Variants in EHD4 observed in about 807,000 individuals in gnomAD.
EHD4 encodes the protein EH domain-containing protein 4.
Under a neutral mutation model 51.0 loss-of-function variants are expected in EHD4, and 37 were observed. The ratio of observed to expected loss-of-function variants is 0.73; its 90% CI spans 0.56 to 0.95. The LOEUF is 0.95. Ranked by LOEUF, EHD4 falls within the 40% of genes least tolerant of loss-of-function variation. The probability of loss-of-function intolerance (pLI) is 0.00; values close to 1 mark genes in which losing one functional copy is unlikely to be tolerated. For missense variants in EHD4, 632 were observed against 733.1 expected, an observed-to-expected ratio of 0.86 and a Z score of 1.59; for synonymous variants, 297 against 317.3, an observed-to-expected ratio of 0.94 and a Z score of 0.68.
intron 4 of EHD4, among the ~76,000 whole-genome samples, chr15:41,917,176 A>G (rs914304856): frequency 4.6e-5 from 7 of 151,928 alleles, no homozygotes; most frequent in Admixed American, 3.9e-4. Context: ...GCTGGAGTGC[A>G]GTGGCACGAT....
intron 1 of EHD4, among the ~76,000 whole-genome samples, chr15:41,964,382 C>T (rs997481969): frequency 9.9e-5 from 15 of 152,126 alleles, no homozygotes; most frequent in African/African-American, 2.7e-4. Context: ...GCGTGAGGAT[C>T]GCTTGAGCTC....
At chr15:41,913,199 GTCT>G (rs1845627267) in intron 4 of EHD4, among the ~76,000 whole-genome samples, 1 of 152,204 alleles carries the variant, frequency 6.6e-6, no homozygotes, top group Non-Finnish European at 1.5e-5. Context: ...ATTTTCTAAA[GTCT>G]TCTGGTAAAC....
intron 1 of EHD4, among the ~76,000 whole-genome samples, chr15:41,960,670 A>G (rs1367335000): frequency 1.6e-5 from 2 of 127,918 alleles, no homozygotes; most frequent in Non-Finnish European, 3.3e-5. Flanking sequence ...CTTCACTTAC[A>G]TTTTTTTTTT....
At position 41,948,920 on chromosome 15, in the gene EHD4, C is replaced by CGGGAAGCTGAGGTGGGA; in HGVS notation, c.413+4827_413+4843dup. On this transcript the variant is annotated intron_variant, in intron 2 of 5. Transcript: ENST00000220325. ...GACACACGCCTGTCGTCCCAGCAAT[C>CGGGAAGCTGAGGTGGGA]GGGAAGCTGAGGTGGGAGGATTGCT... Among the ~76,000 whole-genome samples the CGGGAAGCTGAGGTGGGA allele has an allele frequency of 3.3e-5, 5 of 150,724 alleles. No homozygotes were observed. In the South Asian group the frequency reaches 1.1e-3, roughly 32 times the overall value.
At chr15:41,944,733 T>C (rs894840935) in intron 2 of EHD4, among the ~76,000 whole-genome samples, 10 of 152,344 alleles carry the variant, frequency 6.6e-5, no homozygotes, top group African/African-American at 1.9e-4. Flanking sequence ...ATGCTGCTAA[T>C]GCACGGCTGG....
rs199934344 is a variant in EHD4 at position 41,964,759 on chromosome 15, GAA to G, written c.236+7498_236+7499del. ...TAGATTTAGGAATATATATAAGCCT[GAA>G]AAAAAAAAAAAATATATATATATAT... On this transcript the variant is annotated intron_variant, in intron 1 of 5. Transcript: ENST00000220325. Among the ~76,000 whole-genome samples the G allele has an allele frequency of 8.6e-4, 88 of 102,116 alleles. 1 individual carries two copies. The highest frequency in any genetic ancestry group is 2.1e-3 in the East Asian group (10 of 4,664). 67.0% of individuals were successfully genotyped at this position (102,116 alleles called of 152,430 possible). A position where few individuals can be genotyped will look rare whatever the true frequency, so the allele number is the denominator to read the frequency against.
rs1287493063 is a variant in EHD4 at position 41,896,177 on chromosome 15, G to A, written c.*4468C>T. On this transcript the variant is annotated 3_prime_UTR_variant, in exon 6 of 6. Transcript: ENST00000220325. ...AGTAGGAATAGGAAGGACTTCAGGT[G>A]AGGTTTGATCCAGCAGCTCAAATGT... 6.6e-6 allele frequency: 1 copy of A among 152,192 alleles called. No homozygotes were observed. The highest frequency in any genetic ancestry group is 1.5e-5 in the Non-Finnish European group (1 of 68,066). 9.4% of individuals were successfully genotyped at this position (152,192 alleles called of 1,614,324 possible).
chr15:41,942,139 C>G (rs1444706208), intron 3 of EHD4: 1 of 152,250 alleles, frequency 6.6e-6, no homozygotes, highest in Non-Finnish European at 1.5e-5. Flanking sequence ...CCCATCCTGA[C>G]CCTCCCGATC....
chr15:41,944,229 C>G (rs1322266277), intron 2 of EHD4, among the ~76,000 whole-genome samples: 2 of 152,132 alleles, frequency 1.3e-5, no homozygotes, highest in African/African-American at 4.8e-5. Context: ...CTGGCGATGT[C>G]CTTTTAGCTT....
chr15:41,947,325 G>T (rs1199642968), intron 2 of EHD4, among the ~76,000 whole-genome samples: 1 of 152,152 alleles, frequency 6.6e-6, no homozygotes, highest in Non-Finnish European at 1.5e-5. Flanking sequence ...CTGTCAGGGT[G>T]GGGAACAGGA....
At chr15:41,959,968 A>G (rs894804332) in intron 1 of EHD4, among the ~76,000 whole-genome samples, 1 of 152,056 alleles carries the variant, frequency 6.6e-6, no homozygotes, top group Non-Finnish European at 1.5e-5. Context: ...CCTCAAAAAA[A>G]AAAAAAAAAA....
At position 41,899,466 on chromosome 15, in the gene EHD4, G is replaced by T. The variant is rs888781458; in HGVS notation, c.*1179C>A. On this transcript the variant is annotated 3_prime_UTR_variant, in exon 6 of 6. Coordinates refer to ENST00000220325, the MANE Select transcript of EHD4 (RefSeq NM_139265.4). ...TTAAAGAAAAGGTTTTATATGAAAG[G>T]TTCCATTTTGTTTCTGTATAAAGGC... 7.9e-5 allele frequency: 12 copies of T among 151,492 alleles called. No homozygotes were observed. Among genetic ancestry groups the T allele is most frequent in the Non-Finnish European group, 1.6e-4 (11 of 67,902 alleles). 9.4% of individuals were successfully genotyped at this position (151,492 alleles called of 1,614,324 possible).
rs560617600 is a variant in EHD4, at chr15:41,900,522, A to T, written c.*123T>A. 2.0e-4 allele frequency: 200 copies of T among 989,872 alleles called. 1 individual carries two copies. In the South Asian group the frequency reaches 3.1e-3, roughly 15 times the overall value. The allele number at this position is 989,872 out of a possible 1,614,324, so 61.3% of individuals were successfully genotyped here. On this transcript the variant is annotated 3_prime_UTR_variant, in exon 6 of 6. Coordinates refer to ENST00000220325, the MANE Select transcript of EHD4 (RefSeq NM_139265.4). This position sits in a 1 kb window ranked among gnomAD's most constrained non-coding sequence, Gnocchi z 4.8. The stretch of plus-strand genomic sequence containing the variant: ...TTCCAGTGTCCACCCTCCCCATTCT[A>T]CAGATGGGGAAACCAAGGCACAGAG...
intron 5 of EHD4, 77 bp downstream of exon 5, chr15:41,909,622 G>C: frequency 6.5e-7 from 1 of 1,542,820 alleles, no homozygotes; most frequent in East Asian, 2.3e-5. Context: ...ACTCTCATTT[G>C]TCTCCAGCAA....
intron 1 of EHD4, among the ~76,000 whole-genome samples, chr15:41,960,618 A>C (rs1338964542): frequency 6.6e-6 from 1 of 152,136 alleles, no homozygotes; most frequent in Non-Finnish European, 1.5e-5. Context: ...ATCTACTTAA[A>C]AAAGTCTCCT....
chr15:41,907,520 G>A (rs992344242), intron 5 of EHD4, among the ~76,000 whole-genome samples: 1 of 152,178 alleles, frequency 6.6e-6, no homozygotes, highest in Non-Finnish European at 1.5e-5. Flanking sequence ...TGTTGTGTGT[G>A]CGTGTATATA....
At position 41,916,028 on chromosome 15, in the gene EHD4, C is replaced by G. The variant is rs201731554; in HGVS notation, c.924+3182G>C. ...GAGTTTGATTAAAACGGCGCACTTG[C>G]TTTATCTGGATGGGCCATGAATCCT... is the stretch of plus-strand genomic sequence containing the variant. On this transcript the variant is annotated intron_variant, in intron 4 of 5. Coordinates refer to ENST00000220325, the MANE Select transcript of EHD4 (RefSeq NM_139265.4). Among the ~76,000 whole-genome samples the G allele has an allele frequency of 1.4e-4, 21 of 152,312 alleles. No individual in the cohort carries two copies. In the East Asian group the frequency reaches 3.9e-3, roughly 28 times the overall value.
intron 3 of EHD4, among the ~76,000 whole-genome samples, chr15:41,920,691 C>T (rs1033844004): frequency 4.6e-5 from 7 of 152,066 alleles, no homozygotes; most frequent in Non-Finnish European, 8.8e-5. Context: ...TGTTTTAAAA[C>T]CAAGTATCGT....
At chr15:41,935,098 T>G (rs2067723167) in intron 3 of EHD4, among the ~76,000 whole-genome samples, 1 of 152,188 alleles carries the variant, frequency 6.6e-6, no homozygotes, top group East Asian at 1.9e-4. Context: ...TCTCACCTAC[T>G]CTCTGCCTTT....
Sources: gnomAD v4.1 joint callset for allele counts (sites outside exome capture counted in the v4.1 genomes callset) on GRCh38, gnomAD v4.1.1 for gene constraint, Gnocchi (gnomAD v3.1) non-coding constraint, MANE v1.5 for transcripts, NCBI Gene and HGNC (gene_info 2026-07-23, HGNC 2026-07-21) for gene names.